EGFLAM: variants seen among roughly 807,000 people sequenced by gnomAD.
EGFLAM encodes pikachurin.
EGFLAM carries 79 observed loss-of-function variants against 113.1 expected under a neutral mutation model. The observed-to-expected ratio is 0.70, with a 90% CI of 0.58 to 0.84. The LOEUF is 0.84. Among genes scored for constraint, EGFLAM ranks in the 40% least tolerant of loss-of-function variants. The pLI is 0.00. For missense variants in EGFLAM, 1,265 were observed against 1,291.6 expected (o/e 0.98, Z 0.32); for synonymous variants, 504 against 487.6 (o/e 1.03, Z -0.44).
Position 38,418,239 on chromosome 5 carries a change from C to T in EGFLAM, c.1668C>T (p.Leu556=). 6.2e-7 allele frequency: 1 copy of T among 1,613,660 alleles called. No homozygotes were observed. Residue 556 remains leucine (L), a synonymous_variant, in exon 12 of 22, where the codon CTC becomes CTT. Transcript: ENST00000322350. The part of the protein sequence containing the change: ...DMRPWPLGKA[L]SGADVGECSS... Reference sequence around the variant, plus strand: ...GGCCCTGGCCCCTGGGAAAAGCACTCAGTGGGGCTGATGTGGGTAAGTGGC... The same window carrying T: ...GGCCCTGGCCCCTGGGAAAAGCACTTAGTGGGGCTGATGTGGGTAAGTGGC...
intron 1 of EGFLAM, among the ~76,000 whole-genome samples, chr5:38,315,619 C>A (rs571903043): frequency 1.8e-4 from 27 of 152,266 alleles, no homozygotes; most frequent in African/African-American, 5.8e-4. Context: ...AGAGAGAGCA[C>A]TAAAGAGCCA....
intron 5 of EGFLAM, 39 bp downstream of exon 5, chr5:38,352,370 T>G: frequency 1.2e-6 from 2 of 1,608,638 alleles, no homozygotes; most frequent in Non-Finnish European, 1.7e-6. Context: ...AAATGTGTGC[T>G]GGGCGCGGTG....
chr5:38,434,808 A>G (rs192817253), intron 15 of EGFLAM, among the ~76,000 whole-genome samples: 63 of 152,352 alleles, frequency 4.1e-4, no homozygotes, highest in African/African-American at 1.4e-3. Flanking sequence ...GTTGGAGGCA[A>G]TCTTCCTGTG....
At chr5:38,417,347 C>CAAAAAAAAAACAAAA (rs1741678083) in intron 11 of EGFLAM, among the ~76,000 whole-genome samples, 2 of 78,474 alleles carry the variant, frequency 2.5e-5, no homozygotes, top group Non-Finnish European at 4.5e-5. Context: ...GACTCTGTCT[C>CAAAAAAAAAACAAAA]AAAAAAAAAA....
In EGFLAM at chr5:38,394,711, C is replaced by CTTTTTTT. The variant is rs11451294; in HGVS notation, c.713-11401_713-11395dup. Among the ~76,000 whole-genome samples, 222 of 121,670 alleles carry CTTTTTTT rather than the reference C, an allele frequency of 1.8e-3. 1 individual carries two copies. Among genetic ancestry groups the CTTTTTTT allele is most frequent in the African/African-American group, 7.0e-3 (210 of 30,188 alleles). 79.8% of individuals were successfully genotyped at this position (121,670 alleles called of 152,430 possible). ...GGCGTGAGCCACCGCGCCGGGCCCA[C>CTTTTTTT]TTTTTTTTTTTTTTTTTTTTAACTC... is the stretch of plus-strand genomic sequence containing the variant. On this transcript the variant is annotated intron_variant, in intron 6 of 21. Transcript: ENST00000322350.
At chr5:38,407,264 G>A (rs1343738873) in intron 8 of EGFLAM, 118 bp downstream of exon 8, 16 of 1,103,922 alleles carry the variant, frequency 1.4e-5, no homozygotes, top group Admixed American at 5.2e-5. Context: ...AAGTACCTTC[G>A]TCCACATATT....
intron 1 of EGFLAM, among the ~76,000 whole-genome samples, chr5:38,277,127 G>T (rs1174326097): frequency 6.6e-6 from 1 of 152,016 alleles, no homozygotes; most frequent in Non-Finnish European, 1.5e-5. Flanking sequence ...AAAACTACAG[G>T]CCAATATCCC....
At chr5:38,272,604 A>G (rs183670132) in intron 1 of EGFLAM, among the ~76,000 whole-genome samples, 10 of 152,228 alleles carry the variant, frequency 6.6e-5, no homozygotes, top group African/African-American at 2.4e-4. Context: ...TTGAAAGCAA[A>G]GCAGCCAAAA....
chr5:38,310,089 G>C (rs1190656606), intron 1 of EGFLAM, among the ~76,000 whole-genome samples: 1 of 152,204 alleles, frequency 6.6e-6, no homozygotes, highest in Admixed American at 6.5e-5. Context: ...CATCCCTAGA[G>C]CAACAGTCAA....
In EGFLAM at chr5:38,372,235, C is replaced by T. The variant is rs187374690; in HGVS notation, c.712+1773C>T. ...TCGGCTCACTGCAACCTCCGCCTCC[C>T]AGGTTCAAGCAATTCTCCTGCCTCG... On this transcript the variant is annotated intron_variant, in intron 6 of 21. Coordinates refer to ENST00000322350, the MANE Select transcript of EGFLAM (RefSeq NM_152403.4). Among the ~76,000 whole-genome samples, 524 of 152,074 alleles carry T rather than the reference C, an allele frequency of 3.4e-3. 3 individuals carry two copies. Among genetic ancestry groups the T allele is most frequent in the Non-Finnish European group, 5.8e-3 (393 of 67,998 alleles).
At chr5:38,406,456 G>A (rs1169346877) in intron 7 of EGFLAM, among the ~76,000 whole-genome samples, 1 of 152,196 alleles carries the variant, frequency 6.6e-6, no homozygotes, top group African/African-American at 2.4e-5. Flanking sequence ...GGCAGCTCCT[G>A]CCTGCGGACT....
chr5:38,460,842 G>T (rs543937089), intron 20 of EGFLAM: 12 of 152,364 alleles, frequency 7.9e-5, no homozygotes, highest in African/African-American at 2.4e-4. Flanking sequence ...TCAATGAAAA[G>T]GAGATTGCCC....
chr5:38,451,099 C>T (rs1162845353), intron 18 of EGFLAM, among the ~76,000 whole-genome samples: 2 of 152,230 alleles, frequency 1.3e-5, no homozygotes, highest in African/African-American at 4.8e-5. Context: ...CAAATGCTCT[C>T]TGGTGGGGTT....
chr5:38,366,577 G>C (rs1343449861), intron 5 of EGFLAM, among the ~76,000 whole-genome samples: 1 of 152,172 alleles, frequency 6.6e-6, no homozygotes, highest in East Asian at 1.9e-4. Context: ...GATTGAGATT[G>C]GCAATGGGCA....
At chr5:38,463,768 C>G in intron 21 of EGFLAM, 64 bp from the exon 22 acceptor site, 9 of 1,589,350 alleles carry the variant, frequency 5.7e-6, no homozygotes, top group Non-Finnish European at 7.7e-6. Flanking sequence ...AAACTGGAAC[C>G]CCGACCTTGC....
At chr5:38,429,965 C>T in intron 14 of EGFLAM, 1 of 212,956 alleles carries the variant, frequency 4.7e-6, no homozygotes, top group South Asian at 8.7e-5. Flanking sequence ...ACCTTGGCCT[C>T]CCATTGGGCC....
At chr5:38,258,977 G>T (rs1468991184) in intron 1 of EGFLAM, 126 bp downstream of exon 1, 40 of 1,058,350 alleles carry the variant, frequency 3.8e-5, no homozygotes, top group Non-Finnish European at 1.2e-5. Context: ...ACTCGCTTCA[G>T]CTCTGCCAGG....
chr5:38,321,905 C>T (rs1738752747), intron 1 of EGFLAM, among the ~76,000 whole-genome samples: 1 of 152,182 alleles, frequency 6.6e-6, no homozygotes, highest in Non-Finnish European at 1.5e-5. Flanking sequence ...AATAGGCTAA[C>T]AAATTATTAG....
chr5:38,395,451 A>C (rs1740935050), intron 6 of EGFLAM, among the ~76,000 whole-genome samples: 1 of 151,794 alleles, frequency 6.6e-6, no homozygotes, highest in Non-Finnish European at 1.5e-5. Context: ...GGGTCTTACC[A>C]TCTTGCCCAG....
Sources: gnomAD v4.1 joint callset for allele counts (sites outside exome capture counted in the v4.1 genomes callset) on GRCh38, gnomAD v4.1.1 for gene constraint, MANE v1.5 for transcripts, NCBI Gene and HGNC (gene_info 2026-07-23, HGNC 2026-07-21) for gene names.